KLHL8: variants seen among roughly 807,000 people sequenced by gnomAD.
KLHL8 encodes kelch-like protein 8.
Under a neutral mutation model 63.5 loss-of-function variants are expected in KLHL8, and 38 were observed. That is an observed-to-expected ratio of 0.60 (90% CI 0.46 to 0.78). The LOEUF (loss-of-function observed/expected upper bound fraction) is 0.78. Ranked by LOEUF, KLHL8 falls within the 30% of genes least tolerant of loss-of-function variation. KLHL8 has a pLI of 0.00. For synonymous variants in KLHL8, 224 were observed against 254.3 expected (o/e 0.88, Z 1.13); for missense variants, 566 against 752.4 (o/e 0.75, Z 2.90).
chr4:87,237,806 G>C (rs1177626644), intron 1 of KLHL8, among the ~76,000 whole-genome samples: 1 of 152,182 alleles, frequency 6.6e-6, no homozygotes, highest in Non-Finnish European at 1.5e-5. Context: ...CAGTTTGGGT[G>C]ACAGAGTGAG....
intron 8 of KLHL8, 54 bp from the exon 9 acceptor site, chr4:87,164,133 T>A: frequency 7.1e-7 from 1 of 1,412,876 alleles, no homozygotes; most frequent in Non-Finnish European, 9.9e-7. Flanking sequence ...AATTAACTAC[T>A]AAATTTCAAT....
At chr4:87,163,786 A>G in intron 9 of KLHL8, 92 bp downstream of exon 9, 1 of 1,523,836 alleles carries the variant, frequency 6.6e-7, no homozygotes, top group Non-Finnish European at 9.0e-7. Context: ...AAAGCTTAGT[A>G]TTAACTACGA....
At position 87,195,594 on chromosome 4, in the gene KLHL8, T is replaced by C; in HGVS notation, c.-55A>G. On this transcript the variant is annotated 5_prime_UTR_variant, in exon 2 of 10. Coordinates refer to ENST00000273963, the MANE Select transcript of KLHL8 (RefSeq NM_020803.5). Reference sequence around the variant, plus strand: ...CTTCTCAAACATGCCATTTATTTTTTTTCAAAGGGTAGAGAGAAGGCAGAA... The same window carrying C: ...CTTCTCAAACATGCCATTTATTTTTCTTCAAAGGGTAGAGAGAAGGCAGAA... 6.7e-7 allele frequency: 1 copy of C among 1,482,424 alleles called. No homozygotes were observed. Among genetic ancestry groups the C allele is most frequent in the Non-Finnish European group, 9.3e-7 (1 of 1,070,458 alleles). The allele number at this position is 1,482,424 out of a possible 1,614,324, so 91.8% of individuals were successfully genotyped here.
intron 1 of KLHL8, among the ~76,000 whole-genome samples, chr4:87,211,164 GATT>G (rs1000672250): frequency 9.9e-5 from 15 of 152,162 alleles, no homozygotes; most frequent in African/African-American, 3.6e-4. Context: ...GAACACTAGA[GATT>G]ATTTTTCTAC....
rs1730653615 is a variant in KLHL8, at chr4:87,172,026, ATG to A, written c.1209-1413_1209-1412del. 3.9e-5 allele frequency among the ~76,000 whole-genome samples: 6 copies of A among 152,226 alleles called. No homozygotes were observed. In the South Asian group the frequency reaches 1.2e-3, roughly 32 times the overall value. ...AATTTTAAGATACTCCTCATCCCCCATGACCTTCATCCCCTGGTGTTACTCTC... is the reference window on the plus strand; with the variant it reads ...AATTTTAAGATACTCCTCATCCCCCAACCTTCATCCCCTGGTGTTACTCTC... On this transcript the variant is annotated intron_variant, in intron 6 of 9. Coordinates refer to ENST00000273963, the MANE Select transcript of KLHL8 (RefSeq NM_020803.5).
chr4:87,186,187 C>CA (rs796899798), intron 2 of KLHL8, among the ~76,000 whole-genome samples: 10 of 152,014 alleles, frequency 6.6e-5, no homozygotes, highest in African/African-American at 2.4e-4. Context: ...TACAGGCGTG[C>CA]ACCACCACGC....
At position 87,185,636 on chromosome 4, in the gene KLHL8, G is replaced by C. The variant is rs372078022; in HGVS notation, c.380C>G (p.Ser127Cys). 3.7e-6 allele frequency: 6 copies of C among 1,614,070 alleles called. No individual in the cohort carries two copies. In the African/African-American group the frequency reaches 8.0e-5, roughly 22 times the overall value. The change falls in exon 3 of 10, where the codon TCT (serine) becomes TGT (cysteine). Residue 127 changes from serine to cysteine, a missense_variant. Physicochemically the swap from Ser to Cys is moderately radical, Grantham distance 112 (BLOSUM62 -1). Coordinates refer to ENST00000273963, the MANE Select transcript of KLHL8 (RefSeq NM_020803.5). ...AIEDLVKFVYSSRLTLTVDNV... is the reference protein window; with the variant it reads ...AIEDLVKFVYCSRLTLTVDNV... ...GTCAACAGTCAAAGTGAGCCGTGAA[G>C]AATAGACAAACTTTACCAAGTCTTC...
intron 1 of KLHL8, among the ~76,000 whole-genome samples, chr4:87,218,266 T>C (rs910254960): frequency 1.3e-5 from 2 of 149,780 alleles, no homozygotes; most frequent in African/African-American, 5.0e-5. Context: ...TTAGATGGAG[T>C]CTCGTTCTAT....
At chr4:87,190,909 T>C (rs1351529285) in intron 2 of KLHL8, among the ~76,000 whole-genome samples, 2 of 152,162 alleles carry the variant, frequency 1.3e-5, no homozygotes, top group African/African-American at 4.8e-5. Context: ...CTAAATACAA[T>C]TTTAATGAGG....
intron 1 of KLHL8, among the ~76,000 whole-genome samples, chr4:87,211,815 T>C (rs1029259725): frequency 1.3e-5 from 2 of 152,144 alleles, no homozygotes; most frequent in African/African-American, 2.4e-5. Context: ...AGTAGGTTAC[T>C]GGAAAGACTG....
rs1235485068 is a variant in KLHL8 at position 87,195,627 on chromosome 4, G to A, written c.-88C>T. On this transcript the variant is annotated 5_prime_UTR_variant, in exon 2 of 10. Coordinates refer to ENST00000273963, the MANE Select transcript of KLHL8 (RefSeq NM_020803.5). ...GGTAGAGAGAAGGCAGAAGGTAGAT[G>A]TAGACACTACAATTCAGACGTTTTT... The A allele has an allele frequency of 1.4e-5, 15 of 1,042,510 alleles. No individual in the cohort carries two copies. The highest frequency in any genetic ancestry group is 2.2e-5 in the Non-Finnish European group (15 of 690,454). 64.6% of individuals were successfully genotyped at this position (1,042,510 alleles called of 1,614,324 possible).
At chr4:87,174,583 T>G (rs1365264548) in intron 6 of KLHL8, among the ~76,000 whole-genome samples, 1 of 152,180 alleles carries the variant, frequency 6.6e-6, no homozygotes, top group Admixed American at 6.6e-5. Context: ...CCGGCCCACC[T>G]GCAGTTTTAT....
intron 1 of KLHL8, among the ~76,000 whole-genome samples, chr4:87,205,246 C>T (rs1231886923): frequency 6.6e-6 from 1 of 152,070 alleles, no homozygotes; most frequent in African/African-American, 2.4e-5. Context: ...GTCTCTACAA[C>T]AGATTTTAAA....
intron 1 of KLHL8, among the ~76,000 whole-genome samples, chr4:87,233,789 C>T (rs1213246682): frequency 6.6e-6 from 1 of 152,154 alleles, no homozygotes; most frequent in Non-Finnish European, 1.5e-5. Flanking sequence ...CTTATGCCTA[C>T]AAAATCTTGA....
At chr4:87,187,689 T>G (rs904266196) in intron 2 of KLHL8, among the ~76,000 whole-genome samples, 2 of 152,160 alleles carry the variant, frequency 1.3e-5, no homozygotes, top group African/African-American at 4.8e-5. Context: ...CACGTATTTT[T>G]TATACTACTT....
At chr4:87,199,668 A>C (rs911432912) in intron 1 of KLHL8, among the ~76,000 whole-genome samples, 6 of 143,638 alleles carry the variant, frequency 4.2e-5, no homozygotes, top group African/African-American at 1.3e-4. Flanking sequence ...AAAAAAACAA[A>C]AAAAAAAAAT....
At chr4:87,202,999 A>G (rs1731977331) in intron 1 of KLHL8, among the ~76,000 whole-genome samples, 1 of 152,204 alleles carries the variant, frequency 6.6e-6, no homozygotes, top group Non-Finnish European at 1.5e-5. Flanking sequence ...GGCTGCTTCA[A>G]TATTCAAAAA....
rs78478577 is a variant in KLHL8 at position 87,236,967 on chromosome 4, A to T, written n.57+3291T>A. ...GCGCGAGCCACGGCACCTAGTCTGT[A>T]TTGTGTCTAAAATGAAGATGACAAT... On this transcript the variant is annotated intron_variant and non_coding_transcript_variant, in intron 1 of 1. Coordinates refer to the KLHL8 transcript ENST00000506274. Among the ~76,000 whole-genome samples, 646 of 152,238 alleles carry T rather than the reference A, an allele frequency of 4.2e-3. 5 individuals carry two copies. Among genetic ancestry groups the T allele is most frequent in the African/African-American group, 0.015 (608 of 41,562 alleles).
rs1402959164 is a variant in KLHL8 at position 87,170,507 on chromosome 4, C to A, written c.1317G>T (p.Gln439His). The A allele has an allele frequency of 2.5e-6, 4 of 1,614,042 alleles. No individual in the cohort carries two copies. The highest frequency in any genetic ancestry group is 3.4e-6 in the Non-Finnish European group (4 of 1,179,956). The change falls in exon 7 of 10, where the codon CAG (glutamine) becomes CAT (histidine). Residue 439 changes from glutamine to histidine, a missense_variant. By Grantham distance (24) the Gln-to-His change is conservative. Transcript: ENST00000273963. The stretch of plus-strand genomic sequence containing the variant: ...TATTCATTGGTGCCACTGTACTCCA[C>A]TGATCAGATTCTATGTCATATCTCT... ...DVERYDIESD[Q>H]WSTVAPMNTP...
Sources: allele counts gnomAD v4.1 joint callset (sites outside exome capture counted in the v4.1 genomes callset), GRCh38; gene constraint gnomAD v4.1.1; transcripts MANE v1.5; gene names NCBI Gene and HGNC (gene_info 2026-07-23, HGNC 2026-07-21).